The following RCAN2 variants were observed in gnomAD, a reference collection of about 807,000 sequenced individuals.
RCAN2 encodes regulator of calcineurin 2, also known as calcipressin-2.
Under a neutral mutation model 23.6 loss-of-function variants are expected in RCAN2, and 9 were observed. The ratio of observed to expected loss-of-function variants is 0.38; its 90% CI spans 0.23 to 0.67. RCAN2 has a LOEUF of 0.67. RCAN2 is among the 30% of genes least tolerant of loss of function. RCAN2 has a pLI of 0.51. For synonymous variants in RCAN2, 109 were observed against 115.7 expected (o/e 0.94, Z 0.37); for missense variants, 273 against 302.3 (o/e 0.90, Z 0.72).
chr6:46,463,974 C>A (rs888114886), intron 1 of RCAN2, among the ~76,000 whole-genome samples: 1 of 151,938 alleles, frequency 6.6e-6, no homozygotes, highest in Admixed American at 6.6e-5. Flanking sequence ...CATGTTATGG[C>A]CAGCTAAGGA....
intron 2 of RCAN2, among the ~76,000 whole-genome samples, chr6:46,344,358 G>T (rs1764420246): frequency 6.6e-6 from 1 of 151,932 alleles, no homozygotes; most frequent in Non-Finnish European, 1.5e-5. Context: ...TTACTGAAGA[G>T]AATAATACCC....
At chr6:46,236,440 CT>C (rs59425987) in intron 4 of RCAN2, among the ~76,000 whole-genome samples, 19,711 of 141,282 alleles carry the variant, frequency 0.14, 3,120 homozygotes, top group African/African-American at 0.39. Flanking sequence ...CTCTGATTTT[CT>C]TTTTTTTTTT....
rs113834226 is a variant in RCAN2, at chr6:46,426,267, C to T, written c.225+30485G>A. The stretch of plus-strand genomic sequence containing the variant: ...CAGAAATTTAATTATTCTTTTATTG[C>T]TATTTTAAATGAATATTTTCGCAGA... On this transcript the variant is annotated intron_variant, in intron 2 of 4. Coordinates refer to ENST00000371374, the MANE Select transcript of RCAN2 (RefSeq NM_001251974.2). Among the ~76,000 whole-genome samples the T allele has an allele frequency of 5.2e-3, 788 of 152,132 alleles. 7 individuals are homozygous for T. Among genetic ancestry groups the T allele is most frequent in the African/African-American group, 0.018 (748 of 41,514 alleles).
intron 2 of RCAN2, among the ~76,000 whole-genome samples, chr6:46,371,248 G>A (rs1765312219): frequency 6.6e-6 from 1 of 152,136 alleles, no homozygotes; most frequent in African/African-American, 2.4e-5. Flanking sequence ...GAGTAGAGGG[G>A]TAGAGAGAGG....
rs947742746 is a variant in RCAN2, at chr6:46,269,783, G to A, written c.226-20887C>T. On this transcript the variant is annotated intron_variant, in intron 2 of 4. Transcript: ENST00000371374. ...CTGAGGGACCCAGGATTGGGCAGAG[G>A]GAGGACTTGAACTCAATGCAGTCCC... Among the ~76,000 whole-genome samples, 4 of 152,164 alleles carry A rather than the reference G, an allele frequency of 2.6e-5. No homozygotes were observed. In the East Asian group the frequency reaches 7.7e-4, roughly 29 times the overall value.
chr6:46,369,614 G>A (rs1271352064), intron 2 of RCAN2, among the ~76,000 whole-genome samples: 1 of 152,128 alleles, frequency 6.6e-6, no homozygotes, highest in Non-Finnish European at 1.5e-5. Flanking sequence ...ATGTCATTAT[G>A]GAGCACATGA....
chr6:46,317,350 TAAGA>T (rs1330322215), intron 2 of RCAN2, among the ~76,000 whole-genome samples: 1 of 152,226 alleles, frequency 6.6e-6, no homozygotes, highest in African/African-American at 2.4e-5. Flanking sequence ...CCACTTCTGA[TAAGA>T]AATAGACAAA....
rs1765453705 is a variant in RCAN2 at position 46,220,864 on chromosome 6, G to C, written c.*2277C>G. Reference sequence around the variant, plus strand: ...TTCAAACTTAAAATAGTGCTAAAGAGATTTGCATAATGTGCGTCATGGAAA... The same window carrying C: ...TTCAAACTTAAAATAGTGCTAAAGACATTTGCATAATGTGCGTCATGGAAA... On this transcript the variant is annotated 3_prime_UTR_variant, in exon 5 of 5. Coordinates refer to ENST00000371374, the MANE Select transcript of RCAN2 (RefSeq NM_001251974.2). 6.5e-6 allele frequency: 1 copy of C among 152,710 alleles called. No individual in the cohort carries two copies. The highest frequency in any genetic ancestry group is 1.5e-5 in the Non-Finnish European group (1 of 68,046). 9.5% of individuals were successfully genotyped at this position (152,710 alleles called of 1,614,324 possible). A position where few individuals can be genotyped will look rare whatever the true frequency, so the allele number is the denominator to read the frequency against.
At chr6:46,371,368 G>A (rs954804865) in intron 2 of RCAN2, among the ~76,000 whole-genome samples, 4 of 152,198 alleles carry the variant, frequency 2.6e-5, no homozygotes, top group Non-Finnish European at 4.4e-5. Context: ...TGGGAAGCAT[G>A]AGCACAGGGC....
At chr6:46,462,429 T>G (rs899362389) in intron 1 of RCAN2, among the ~76,000 whole-genome samples, 31 of 152,322 alleles carry the variant, frequency 2.0e-4, no homozygotes, top group African/African-American at 7.5e-4. Flanking sequence ...CATTTCATTT[T>G]TTCGCAAACA....
At chr6:46,364,765 T>C (rs1765117123) in intron 2 of RCAN2, among the ~76,000 whole-genome samples, 1 of 152,158 alleles carries the variant, frequency 6.6e-6, no homozygotes, top group Non-Finnish European at 1.5e-5. Context: ...ACTGCTAACC[T>C]TCAGAGGAAA....
chr6:46,435,425 T>C (rs992499507), intron 2 of RCAN2, among the ~76,000 whole-genome samples: 2 of 152,208 alleles, frequency 1.3e-5, no homozygotes, highest in Non-Finnish European at 2.9e-5. Context: ...TAAGTAAAAT[T>C]CTCAAAGTAC....
chr6:46,237,166 A>G (rs1039955823), intron 4 of RCAN2, among the ~76,000 whole-genome samples: 1 of 152,118 alleles, frequency 6.6e-6, no homozygotes, highest in East Asian at 1.9e-4. Context: ...TTTCATGGCA[A>G]CTCATATTTT....
chr6:46,224,284 G>A (rs546570318), intron 4 of RCAN2, among the ~76,000 whole-genome samples: 2 of 152,012 alleles, frequency 1.3e-5, no homozygotes, highest in Non-Finnish European at 2.9e-5. Flanking sequence ...AATCCTCTCC[G>A]GACATCCCAT....
At chr6:46,425,826 C>T (rs1767015270) in intron 2 of RCAN2, among the ~76,000 whole-genome samples, 1 of 151,590 alleles carries the variant, frequency 6.6e-6, no homozygotes, top group Admixed American at 6.6e-5. Context: ...AAATATTTCT[C>T]AGTGGTTCAC....
chr6:46,388,759 G>A (rs572665174), intron 2 of RCAN2, among the ~76,000 whole-genome samples: 1 of 152,240 alleles, frequency 6.6e-6, no homozygotes, highest in East Asian at 1.9e-4. Context: ...GAAAACACAT[G>A]GACACAGGGA....
At chr6:46,462,130 AGCTTCAAAC>A (rs1768236704) in intron 1 of RCAN2, among the ~76,000 whole-genome samples, 1 of 64,612 alleles carries the variant, frequency 1.5e-5, no homozygotes, top group Non-Finnish European at 5.4e-5. Context: ...TGAAACCTCC[AGCTTCAAAC>A]CTCCAGCTCA....
At chr6:46,244,477 T>G (rs1324332838) in intron 4 of RCAN2, among the ~76,000 whole-genome samples, 1 of 152,108 alleles carries the variant, frequency 6.6e-6, no homozygotes. Flanking sequence ...TAAGGGTGTC[T>G]GGAACTTGCC....
In RCAN2 at chr6:46,488,789, C is replaced by G. The variant is rs572484089; in HGVS notation, c.-3+2384G>C. 2.5e-4 allele frequency among the ~76,000 whole-genome samples: 38 copies of G among 152,286 alleles called. No individual in the cohort carries two copies. In the South Asian group the frequency reaches 7.5e-3, roughly 30 times the overall value. ...CCATCCACTTGGTGACCAATGCTAC[C>G]GATCCTCCCCCTGAAATGGCTCTGT... is the stretch of plus-strand genomic sequence containing the variant. On this transcript the variant is annotated intron_variant, in intron 1 of 4. Coordinates refer to ENST00000371374, the MANE Select transcript of RCAN2 (RefSeq NM_001251974.2).
Sources: gnomAD v4.1 joint callset for allele counts (sites outside exome capture counted in the v4.1 genomes callset) on GRCh38, gnomAD v4.1.1 for gene constraint, MANE v1.5 for transcripts, NCBI Gene and HGNC (gene_info 2026-07-23, HGNC 2026-07-21) for gene names.